Variants in ADGRF5 observed in about 807,000 individuals in gnomAD.
ADGRF5 encodes adhesion G protein-coupled receptor F5, also known as G-protein coupled receptor 116.
Under a neutral mutation model 132.3 loss-of-function variants are expected in ADGRF5, and 75 were observed. That is an observed-to-expected ratio of 0.57 (90% CI 0.47 to 0.69). The LOEUF is 0.69. Ranked by LOEUF, ADGRF5 falls within the 30% of genes least tolerant of loss-of-function variation. The pLI, the probability that ADGRF5 is intolerant of heterozygous loss-of-function variation, is 0.00. For synonymous variants in ADGRF5, 629 were observed against 597.6 expected, an observed-to-expected ratio of 1.05 and a Z score of -0.77; for missense variants, 1,516 against 1,630.6, an observed-to-expected ratio of 0.93 and a Z score of 1.21.
chr6:46,911,148 T>C (rs1404298857), intron 1 of ADGRF5, among the ~76,000 whole-genome samples: 1 of 152,200 alleles, frequency 6.6e-6, no homozygotes, highest in African/African-American at 2.4e-5. Context: ...TGGGTTTTCC[T>C]GAAGTACTCT....
intron 4 of ADGRF5, among the ~76,000 whole-genome samples, chr6:46,885,246 A>G (rs1188889609): frequency 6.6e-6 from 1 of 151,832 alleles, no homozygotes; most frequent in Non-Finnish European, 1.5e-5. Context: ...GAAAGAAAAA[A>G]CAGAATTTTT....
chr6:46,909,016 T>C (rs2150902839), intron 1 of ADGRF5: 1 of 152,270 alleles, frequency 6.6e-6, no homozygotes, highest in Non-Finnish European at 1.5e-5. Context: ...GGTAGAGACC[T>C]AAAGATCAAC....
chr6:46,867,494 C>A (rs983097669), intron 12 of ADGRF5, among the ~76,000 whole-genome samples: 2 of 152,288 alleles, frequency 1.3e-5, no homozygotes, highest in South Asian at 4.1e-4. Flanking sequence ...TTGCCGTGCG[C>A]AGAGGTGGGG....
intron 3 of ADGRF5, among the ~76,000 whole-genome samples, chr6:46,894,644 G>A (rs953706576): frequency 6.6e-6 from 1 of 152,204 alleles, no homozygotes; most frequent in Non-Finnish European, 1.5e-5. Context: ...TGGAGCCAGA[G>A]AGAATGGGGA....
At chr6:46,921,383 G>A (rs1004226534) in intron 1 of ADGRF5, among the ~76,000 whole-genome samples, 7 of 151,570 alleles carry the variant, frequency 4.6e-5, no homozygotes, top group Non-Finnish European at 1.0e-4. Context: ...GAATGCACTG[G>A]TTTTTATAGT....
In ADGRF5 at chr6:46,859,144, T is replaced by C. The variant is rs146816496; in HGVS notation, c.2759A>G (p.Glu920Gly). The change falls in exon 17 of 21, where the codon GAG becomes GGG. Residue 920 changes from glutamate (E) to glycine (G), a missense_variant. By Grantham distance (98) the Glu-to-Gly change is moderately conservative (BLOSUM62 -2). This residue lies in a region of ADGRF5 where 571 missense variants were observed against 701.2 expected (regional missense o/e 0.81). Coordinates refer to ENST00000283296, the MANE Select transcript of ADGRF5 (RefSeq NM_001098518.2). ...GACAGTGGTTGTCATCACTAAGCTCTCTGCAAAGTTATTTTCCTGGATATC... is the reference window on the plus strand; with the variant it reads ...GACAGTGGTTGTCATCACTAAGCTCCCTGCAAAGTTATTTTCCTGGATATC... ...AQDIQENNFA[E>G]SLVMTTTVSH... The C allele has an allele frequency of 6.2e-7, 1 of 1,613,984 alleles. No individual in the cohort carries two copies. The highest frequency in any genetic ancestry group is 1.3e-5 in the African/African-American group (1 of 74,924).
At chr6:46,941,387 C>CAAAGAAAAGAAAAGA (rs766352637) in intron 1 of ADGRF5, among the ~76,000 whole-genome samples, 907 of 83,100 alleles carry the variant, frequency 0.011, 19 homozygotes, top group Non-Finnish European at 0.012. Flanking sequence ...AAGAAAGAAA[C>CAAAGAAAAGAAAAGA]AAAGAAAAGA....
Position 46,879,903 on chromosome 6 carries a change from G to A in ADGRF5, c.951C>T (p.Ser317=), listed in dbSNP as rs756161265. Residue 317 remains serine, a synonymous_variant, in exon 9 of 21, where the codon AGC becomes AGT. Transcript: ENST00000283296. ...AAAGTGCGGTGTAAATCGAGAATCTGCTGCTGTTCTGGATTTCCAACTGCT... is the reference window on the plus strand; with the variant it reads ...AAAGTGCGGTGTAAATCGAGAATCTACTGCTGTTCTGGATTTCCAACTGCT... The part of the protein sequence containing the change: ...EEQQLEIQNS[S]RFSIYTALFN... The A allele has an allele frequency of 1.2e-6, 2 of 1,613,838 alleles. No homozygotes were observed. The highest frequency in any genetic ancestry group is 1.7e-6 in the Non-Finnish European group (2 of 1,179,836).
chr6:46,873,050 C>G (rs1451259079), intron 10 of ADGRF5, among the ~76,000 whole-genome samples: 4 of 152,162 alleles, frequency 2.6e-5, no homozygotes, highest in South Asian at 4.2e-4. Flanking sequence ...AGTGTCTGTG[C>G]CCATCTCTAA....
chr6:46,899,290 A>G (rs1337896006), intron 3 of ADGRF5, among the ~76,000 whole-genome samples: 1 of 152,086 alleles, frequency 6.6e-6, no homozygotes, highest in Non-Finnish European at 1.5e-5. Context: ...AGTCACAAGC[A>G]GAGGATTGGC....
chr6:46,948,305 G>A (rs998317035), intron 1 of ADGRF5, among the ~76,000 whole-genome samples: 3 of 152,170 alleles, frequency 2.0e-5, no homozygotes, highest in African/African-American at 7.2e-5. Context: ...TTAAGCAAAA[G>A]TCTAGTTTGG....
At chr6:46,899,261 A>G (rs1774496494) in intron 3 of ADGRF5, among the ~76,000 whole-genome samples, 1 of 152,044 alleles carries the variant, frequency 6.6e-6, no homozygotes, top group South Asian at 2.1e-4. Context: ...CAGGTGGGAA[A>G]GGCACAGAAG....
At chr6:46,943,800 C>T (rs929551647) in intron 1 of ADGRF5, among the ~76,000 whole-genome samples, 5 of 152,124 alleles carry the variant, frequency 3.3e-5, no homozygotes, top group African/African-American at 4.8e-5. Flanking sequence ...AGATAGGCTG[C>T]TGAAACATAA....
chr6:46,898,239 A>G (rs1297775185), intron 3 of ADGRF5, among the ~76,000 whole-genome samples: 1 of 152,202 alleles, frequency 6.6e-6, no homozygotes, highest in African/African-American at 2.4e-5. Context: ...GTAGTCACCC[A>G]CTGCTCCTGA....
chr6:46,901,947 G>T (rs1334419967), intron 2 of ADGRF5, among the ~76,000 whole-genome samples: 1 of 152,142 alleles, frequency 6.6e-6, no homozygotes, highest in African/African-American at 2.4e-5. Context: ...CCCTTAGGAG[G>T]TACTGGTTGA....
chr6:46,936,818 T>C (rs1777853212), intron 1 of ADGRF5, among the ~76,000 whole-genome samples: 1 of 151,832 alleles, frequency 6.6e-6, no homozygotes, highest in South Asian at 2.1e-4. Context: ...CAGCGGGAGG[T>C]TGTAGTATGG....
intron 11 of ADGRF5, chr6:46,869,298 G>T: frequency 7.1e-7 from 1 of 1,412,608 alleles, no homozygotes; most frequent in Middle Eastern, 2.6e-4. Context: ...GTGGTGCTCT[G>T]CACTGTACTC....
intron 2 of ADGRF5, among the ~76,000 whole-genome samples, chr6:46,902,065 A>G (rs147268838): frequency 6.6e-6 from 1 of 152,334 alleles, no homozygotes; most frequent in East Asian, 1.9e-4. Flanking sequence ...TTGGAATTTC[A>G]AAAGCCCAGT....
Position 46,933,886 on chromosome 6 carries a change from A to C in ADGRF5, c.-25+20848T>G, listed in dbSNP as rs547351597. Among the ~76,000 whole-genome samples, 5 of 152,248 alleles carry C rather than the reference A, an allele frequency of 3.3e-5. No homozygotes were observed. In the East Asian group the frequency reaches 7.7e-4, roughly 24 times the overall value. On this transcript the variant is annotated intron_variant, in intron 1 of 20. Coordinates refer to the ADGRF5 transcript ENST00000265417. The stretch of plus-strand genomic sequence containing the variant: ...ATACAAAACATAGCTACATATCAAC[A>C]ATTACACGATTATTCCAGACCCATC...
Sources: gnomAD v4.1 joint callset for allele counts (sites outside exome capture counted in the v4.1 genomes callset) on GRCh38, gnomAD v4.1.1 for gene constraint, gnomAD v4.1.1 regional missense constraint, MANE v1.5 for transcripts, NCBI Gene and HGNC (gene_info 2026-07-23, HGNC 2026-07-21) for gene names.